GJC2: variants seen among roughly 807,000 people sequenced by gnomAD.
GJC2 encodes the protein gap junction gamma-2 protein.
For synonymous variants in GJC2, 336 were observed against 307.5 expected, an observed-to-expected ratio of 1.09 and a Z score of -0.97; for missense variants, 647 against 648.9, an observed-to-expected ratio of 1.00 and a Z score of 0.03.
chr1:228,158,029 T>G lies in GJC2; in HGVS notation c.271T>G (p.Ser91Ala), dbSNP rs1325957958. 1.9e-6 allele frequency: 3 copies of G among 1,610,908 alleles called. No individual in the cohort carries two copies. The highest frequency in any genetic ancestry group is 2.5e-6 in the Non-Finnish European group (3 of 1,179,548). ...CCAGATTGTGGTCATCTCCACGCCC[T>G]CGGTCATGTACCTGGGCTACGCCGT... ...VFQIVVISTP[S>A]VMYLGYAVHR... is the part of the protein sequence containing the mutation. The change falls in exon 2 of 2, where the codon TCG (serine) becomes GCG (alanine). Residue 91 changes from serine to alanine, a missense_variant. By Grantham distance (99) the Ser-to-Ala change is moderately conservative (BLOSUM62 1). Transcript: ENST00000366714. The surrounding 1 kb of genome is among the most constrained non-coding windows in gnomAD (Gnocchi z 8.3).
intron 1 of GJC2, among the ~76,000 whole-genome samples, chr1:228,153,787 T>TG (rs1453986460): frequency 6.6e-6 from 1 of 151,908 alleles, no homozygotes; most frequent in Non-Finnish European, 1.5e-5. Flanking sequence ...TTCACCATAT[T>TG]GGCCAGGCTG....
intron 1 of GJC2, 93 bp from the exon 2 acceptor site, chr1:228,157,647 G>T (rs2034702036): frequency 1.4e-6 from 1 of 691,974 alleles, no homozygotes; most frequent in Non-Finnish European, 2.4e-6. Flanking sequence ...TAAGCAGAGA[G>T]GGGCCAGCTG....
rs1164544420 is a variant in GJC2 at position 228,152,294 on chromosome 1, C to CGG, written c.-20+2288_-20+2289dup. 6.6e-6 allele frequency among the ~76,000 whole-genome samples: 1 copy of CGG among 152,142 alleles called. No individual in the cohort carries two copies. The highest frequency in any genetic ancestry group is 1.5e-5 in the Non-Finnish European group (1 of 68,014). ...AACTGCAGAAAACACCCACCCTTCG[C>CGG]GGCCTGCCCTGGGAGGGCCTGGAGA... On this transcript the variant is annotated intron_variant, in intron 1 of 1. Transcript: ENST00000366714. This position sits in a 1 kb window ranked among gnomAD's most constrained non-coding sequence, Gnocchi z 7.3.
chr1:228,158,064 G>T lies in GJC2; in HGVS notation c.306G>T (p.Leu102=). The T allele has an allele frequency of 6.2e-7, 1 of 1,604,356 alleles. No individual in the cohort carries two copies. ...VMYLGYAVHR[L]ARASEQERRR... Reference sequence around the variant, plus strand: ...ACCTGGGCTACGCCGTGCACCGCCTGGCCCGTGCGTCTGAGCAGGAGCGGC... The same window carrying T: ...ACCTGGGCTACGCCGTGCACCGCCTTGCCCGTGCGTCTGAGCAGGAGCGGC... The change falls in exon 2 of 2, where the codon CTG becomes CTT. Residue 102 remains leucine, a synonymous_variant. Transcript: ENST00000366714. This position sits in a 1 kb window ranked among gnomAD's most constrained non-coding sequence, Gnocchi z 8.3.
At chr1:228,155,136 G>A (rs947277460) in intron 1 of GJC2, among the ~76,000 whole-genome samples, 3 of 152,206 alleles carry the variant, frequency 2.0e-5, no homozygotes, top group Non-Finnish European at 4.4e-5. Flanking sequence ...CATGGAAGGC[G>A]GTGACACAGC....
chr1:228,155,468 T>G (rs2034667716), intron 1 of GJC2, among the ~76,000 whole-genome samples: 1 of 151,930 alleles, frequency 6.6e-6, no homozygotes, highest in South Asian at 2.1e-4. Context: ...AGGCTCAGGA[T>G]TGGCTGGGAT....
At chr1:228,155,194 T>G (rs116568269) in intron 1 of GJC2, among the ~76,000 whole-genome samples, 1,695 of 152,188 alleles carry the variant, frequency 0.011, 31 homozygotes, top group African/African-American at 0.039. Flanking sequence ...CCTGTGCATG[T>G]GTGTGTGGCG....
intron 1 of GJC2, among the ~76,000 whole-genome samples, chr1:228,154,508 C>T (rs1482810585): frequency 2.6e-5 from 4 of 152,140 alleles, no homozygotes; most frequent in African/African-American, 7.2e-5. Flanking sequence ...GCTGCAGAGG[C>T]GCTCTCCCCC....
Position 228,158,603 on chromosome 1 carries a change from A to T in GJC2, c.845A>T (p.Asn282Ile), listed in dbSNP as rs1553262560. The stretch of plus-strand genomic sequence containing the variant: ...GTCAGCTGCCTGTGCCTGCTGCTCA[A>T]CCTCTGTGAGATGGCCCACCTGGGC... ...YVVSCLCLLLNLCEMAHLGLG... is the reference protein window; with the variant it reads ...YVVSCLCLLLILCEMAHLGLG... The change falls in exon 2 of 2, where the codon AAC (asparagine) becomes ATC (isoleucine). Residue 282 changes from asparagine (N) to isoleucine (I), a missense_variant. By Grantham distance (149) the Asn-to-Ile change is moderately radical. Coordinates refer to ENST00000366714, the MANE Select transcript of GJC2 (RefSeq NM_020435.4). This position sits in a 1 kb window ranked among gnomAD's most constrained non-coding sequence, Gnocchi z 8.3. 1 of 1,610,768 alleles carries T rather than the reference A, an allele frequency of 6.2e-7. No homozygotes were observed. Among genetic ancestry groups the T allele is most frequent in the Non-Finnish European group, 8.5e-7 (1 of 1,178,888 alleles).
chr1:228,150,959 G>A lies in GJC2; in HGVS notation c.-20+952G>A, dbSNP rs1253917099. Among the ~76,000 whole-genome samples, 1 of 151,992 alleles carries A rather than the reference G, an allele frequency of 6.6e-6. No individual in the cohort carries two copies. The highest frequency in any genetic ancestry group is 1.5e-5 in the Non-Finnish European group (1 of 67,936). ...TCAGCTCCAGGCCTGCAACAGCCCT[G>A]GAGGCTGGCCTGGGGAGCTGCCCAG... On this transcript the variant is annotated intron_variant, in intron 1 of 1. Coordinates refer to ENST00000366714, the MANE Select transcript of GJC2 (RefSeq NM_020435.4). This position sits in a 1 kb window ranked among gnomAD's most constrained non-coding sequence, Gnocchi z 4.6.
rs2034612353 is a variant in GJC2, at chr1:228,151,157, C to T, written c.-20+1150C>T. Reference sequence around the variant, plus strand: ...AGGAGGGGCCCACGCATTCACAGCGCCAACAACCCCAGGGAGGAGAGGGCT... The same window carrying T: ...AGGAGGGGCCCACGCATTCACAGCGTCAACAACCCCAGGGAGGAGAGGGCT... On this transcript the variant is annotated intron_variant, in intron 1 of 1. Transcript: ENST00000366714. The surrounding 1 kb of genome is among the most constrained non-coding windows in gnomAD (Gnocchi z 5.4). Among the ~76,000 whole-genome samples, 1 of 152,106 alleles carries T rather than the reference C, an allele frequency of 6.6e-6. No individual in the cohort carries two copies. The highest frequency in any genetic ancestry group is 1.5e-5 in the Non-Finnish European group (1 of 68,002).
At position 228,158,303 on chromosome 1, in the gene GJC2, T is replaced by C. The variant is rs1367380533; in HGVS notation, c.545T>C (p.Val182Ala). ...AGAEEACTKA[V>A]GADGKAAGTP... is the part of the protein sequence containing the mutation. ...GCGGAGGAGGCGTGCACTAAGGCGG[T>C]CGGCGCTGACGGCAAGGCGGCAGGG... The change falls in exon 2 of 2, where the codon GTC (valine) becomes GCC (alanine). Residue 182 changes from valine (V) to alanine (A), a missense_variant. Val to Ala is a moderately conservative substitution (Grantham distance 64). Transcript: ENST00000366714. The surrounding 1 kb of genome is among the most constrained non-coding windows in gnomAD (Gnocchi z 8.3). The C allele has an allele frequency of 6.5e-7, 1 of 1,542,156 alleles. No homozygotes were observed. Among genetic ancestry groups the C allele is most frequent in the Admixed American group, 1.9e-5 (1 of 51,404 alleles).
Position 228,159,171 on chromosome 1 carries a change from C to T in GJC2, c.*93C>T, listed in dbSNP as rs6704220. 8,554 of 1,447,192 alleles carry T rather than the reference C, an allele frequency of 5.9e-3. 425 individuals are homozygous for T. In the African/African-American group the frequency reaches 0.1, roughly 17 times the overall value. 89.6% of individuals were successfully genotyped at this position (1,447,192 alleles called of 1,614,324 possible). A position where few individuals can be genotyped will look rare whatever the true frequency, so the allele number is the denominator to read the frequency against. On this transcript the variant is annotated 3_prime_UTR_variant, in exon 2 of 2. Coordinates refer to ENST00000366714, the MANE Select transcript of GJC2 (RefSeq NM_020435.4). This position sits in a 1 kb window ranked among gnomAD's most constrained non-coding sequence, Gnocchi z 4.0. Reference sequence around the variant, plus strand: ...CCTTCTCCTCAGCCTTCTCCTTAGCCGGTGGCCTCAGGCAGACTCTGCCCA... The same window carrying T: ...CCTTCTCCTCAGCCTTCTCCTTAGCTGGTGGCCTCAGGCAGACTCTGCCCA...
In GJC2 at chr1:228,158,802, G is replaced by GAACCTGGCA. The variant is rs2034727880; in HGVS notation, c.1053_1061dup (p.Asn352_Ala354dup). 2 of 1,446,844 alleles carry GAACCTGGCA rather than the reference G, an allele frequency of 1.4e-6. No individual in the cohort carries two copies. Among genetic ancestry groups the GAACCTGGCA allele is most frequent in the Non-Finnish European group, 1.8e-6 (2 of 1,102,836 alleles). 89.6% of individuals were successfully genotyped at this position (1,446,844 alleles called of 1,614,324 possible). On this transcript the variant is annotated inframe_insertion, in exon 2 of 2. Coordinates refer to ENST00000366714, the MANE Select transcript of GJC2 (RefSeq NM_020435.4). The surrounding 1 kb of genome is among the most constrained non-coding windows in gnomAD (Gnocchi z 8.3). ...CCGAGCGCGCTCGGGCGCATGACCA[G>GAACCTGGCA]AACCTGGCAAACCTGGCCCTGCAGG...
rs2034603786 is a variant in GJC2 at position 228,150,576 on chromosome 1, T to G, written c.-20+569T>G. ...CCTGTGGTCAAGGATCCAACCCCAGTGCCTGTCAGTGCTGTGATTAACTGG... is the reference window on the plus strand; with the variant it reads ...CCTGTGGTCAAGGATCCAACCCCAGGGCCTGTCAGTGCTGTGATTAACTGG... On this transcript the variant is annotated intron_variant, in intron 1 of 1. Transcript: ENST00000366714. The surrounding 1 kb of genome is among the most constrained non-coding windows in gnomAD (Gnocchi z 4.6). Among the ~76,000 whole-genome samples the G allele has an allele frequency of 6.6e-6, 1 of 152,106 alleles. No homozygotes were observed. The highest frequency in any genetic ancestry group is 6.5e-5 in the Admixed American group (1 of 15,284).
At position 228,159,730 on chromosome 1, in the gene GJC2, G is replaced by C. The variant is rs570858244; in HGVS notation, c.*652G>C. The C allele has an allele frequency of 6.0e-6, 1 of 167,570 alleles. No individual in the cohort carries two copies. The highest frequency in any genetic ancestry group is 2.4e-5 in the African/African-American group (1 of 41,580). 10.4% of individuals were successfully genotyped at this position (167,570 alleles called of 1,614,324 possible). A position where few individuals can be genotyped will look rare whatever the true frequency, so the allele number is the denominator to read the frequency against. On this transcript the variant is annotated 3_prime_UTR_variant, in exon 2 of 2. Coordinates refer to ENST00000366714, the MANE Select transcript of GJC2 (RefSeq NM_020435.4). The surrounding 1 kb of genome is among the most constrained non-coding windows in gnomAD (Gnocchi z 4.0). ...GGGCTTGGCCATGCTGGGGGAATGG[G>C]GCTCTGGGTTCCTGCCTGTGGCCTG...
Position 228,157,754 on chromosome 1 carries a change from C to G in GJC2, c.-5C>G, listed in dbSNP as rs1309976018. 4 of 473,450 alleles carry G rather than the reference C, an allele frequency of 8.4e-6. No individual in the cohort carries two copies. Among genetic ancestry groups the G allele is most frequent in the Non-Finnish European group, 1.6e-5 (4 of 242,942 alleles). The allele number at this position is 473,450 out of a possible 1,614,324, so 29.3% of individuals were successfully genotyped here. ...CCGCCCCACAGGACCCGCCCGCCCGCCCCTATGACCAACATGAGCTGGAGC... is the reference window on the plus strand; with the variant it reads ...CCGCCCCACAGGACCCGCCCGCCCGGCCCTATGACCAACATGAGCTGGAGC... On this transcript the variant is annotated 5_prime_UTR_variant, in exon 2 of 2. Coordinates refer to ENST00000366714, the MANE Select transcript of GJC2 (RefSeq NM_020435.4).
Position 228,159,082 on chromosome 1 carries a change from C to T in GJC2, c.*4C>T. 1.9e-6 allele frequency: 3 copies of T among 1,608,824 alleles called. No individual in the cohort carries two copies. The highest frequency in any genetic ancestry group is 2.5e-6 in the Non-Finnish European group (3 of 1,178,870). ...GAAGACCACCGTGTGGATCTGAGGG[C>T]GCTGGCTTGCGAGCTGGGCCAGGGA... On this transcript the variant is annotated 3_prime_UTR_variant, in exon 2 of 2. Transcript: ENST00000366714. This position sits in a 1 kb window ranked among gnomAD's most constrained non-coding sequence, Gnocchi z 4.0.
rs1399576182 is a variant in GJC2, at chr1:228,152,563, T to C, written c.-20+2556T>C. On this transcript the variant is annotated intron_variant, in intron 1 of 1. Transcript: ENST00000366714. This position sits in a 1 kb window ranked among gnomAD's most constrained non-coding sequence, Gnocchi z 7.3. ...CTTGCCCTGAAACCCTTCCCAGAGGTGGCCCCCACTGTGAGCCCCCATGGT... is the reference window on the plus strand; with the variant it reads ...CTTGCCCTGAAACCCTTCCCAGAGGCGGCCCCCACTGTGAGCCCCCATGGT... 6.6e-6 allele frequency among the ~76,000 whole-genome samples: 1 copy of C among 151,976 alleles called. No homozygotes were observed. The highest frequency in any genetic ancestry group is 6.5e-5 in the Admixed American group (1 of 15,268).
Sources: gnomAD v4.1 joint callset for allele counts (sites outside exome capture counted in the v4.1 genomes callset) on GRCh38, gnomAD v4.1.1 for gene constraint, Gnocchi (gnomAD v3.1) non-coding constraint, MANE v1.5 for transcripts, NCBI Gene and HGNC (gene_info 2026-07-23, HGNC 2026-07-21) for gene names.